RB1: variants seen among roughly 807,000 people sequenced by gnomAD.
RB1 encodes the protein retinoblastoma-associated protein.
Under a neutral mutation model 135.4 loss-of-function variants are expected in RB1, and 18 were observed. The observed-to-expected ratio is 0.13, with a 90% CI of 0.09 to 0.20. The LOEUF is 0.20. RB1 is among the 10% of genes least tolerant of loss of function. The pLI is 1.00. For missense variants in RB1, 868 were observed against 1,110.0 expected (o/e 0.78, Z 3.10); for synonymous variants, 365 against 373.2 (o/e 0.98, Z 0.25).
chr13:48,435,747 T>A (rs946977839), intron 17 of RB1, among the ~76,000 whole-genome samples: 1 of 152,170 alleles, frequency 6.6e-6, no homozygotes, highest in Non-Finnish European at 1.5e-5. Context: ...GGTTGAGGTT[T>A]TTTTAGGGGG....
chr13:48,311,700 T>G (rs1952131955), intron 2 of RB1, among the ~76,000 whole-genome samples: 1 of 152,196 alleles, frequency 6.6e-6, no homozygotes, highest in Admixed American at 6.5e-5. Flanking sequence ...TTTTTATTAA[T>G]GTATTTTTTA....
Position 48,443,394 on chromosome 13 carries a change from A to G in RB1, c.1696-9599A>G, listed in dbSNP as rs551030401. 1.5e-4 allele frequency among the ~76,000 whole-genome samples: 23 copies of G among 152,214 alleles called. No homozygotes were observed. The South Asian group carries it at 4.3e-3, about 29-fold the overall frequency. ...TTAAAAAGAAGTTTAAAAGAGTTTT[A>G]GTTTTAATATCTATAAACTTCAAAT... is the stretch of plus-strand genomic sequence containing the variant. On this transcript the variant is annotated intron_variant, in intron 17 of 26. Transcript: ENST00000267163.
At chr13:48,336,004 T>G (rs906113127) in intron 2 of RB1, among the ~76,000 whole-genome samples, 3 of 151,738 alleles carry the variant, frequency 2.0e-5, no homozygotes, top group African/African-American at 2.4e-5. Flanking sequence ...AGAATGAGGA[T>G]GTGAGGGCAT....
At chr13:48,348,414 C>A (rs1952517019) in intron 5 of RB1, among the ~76,000 whole-genome samples, 1 of 151,692 alleles carries the variant, frequency 6.6e-6, no homozygotes, top group African/African-American at 2.4e-5. Context: ...TAATTGATAT[C>A]AATCTATTAA....
At chr13:48,356,080 C>G (rs1190010312) in intron 6 of RB1, among the ~76,000 whole-genome samples, 2 of 151,978 alleles carry the variant, frequency 1.3e-5, no homozygotes, top group Non-Finnish European at 2.9e-5. Context: ...TTGTTTGTAA[C>G]TCAAAGGATA....
rs201988975 is a variant in RB1 at position 48,412,291 on chromosome 13, C to T, written c.1695+30848C>T. On this transcript the variant is annotated intron_variant, in intron 17 of 26. Coordinates refer to ENST00000267163, the MANE Select transcript of RB1 (RefSeq NM_000321.3). Reference sequence around the variant, plus strand: ...GTAGTTTCATTTCGGACTTTGAGGACGCAGATGAAAATGTATATGGCAACA... The same window carrying T: ...GTAGTTTCATTTCGGACTTTGAGGATGCAGATGAAAATGTATATGGCAACA... 70 of 1,613,618 alleles carry T rather than the reference C, an allele frequency of 4.3e-5. No homozygotes were observed. Among genetic ancestry groups the T allele is most frequent in the African/African-American group, 2.7e-5 (2 of 74,844 alleles).
At chr13:48,437,688 C>A (rs1182629202) in intron 17 of RB1, among the ~76,000 whole-genome samples, 1 of 152,116 alleles carries the variant, frequency 6.6e-6, no homozygotes, top group African/African-American at 2.4e-5. Context: ...CATAGCAGCT[C>A]CCTGCCTCAA....
intron 9 of RB1, 27 bp downstream of exon 9, chr13:48,364,998 T>C: frequency 6.4e-7 from 1 of 1,550,514 alleles, no homozygotes; most frequent in Non-Finnish European, 8.7e-7. Flanking sequence ...TTTAATAAAA[T>C]ATTAATGTTT....
chr13:48,407,927 G>A (rs1037956109), intron 17 of RB1, among the ~76,000 whole-genome samples: 2 of 152,160 alleles, frequency 1.3e-5, no homozygotes, highest in African/African-American at 2.4e-5. Flanking sequence ...GGAAGGTAGT[G>A]ATGCTTCTTC....
At chr13:48,422,865 G>A (rs1296468699) in intron 17 of RB1, 1 of 152,208 alleles carries the variant, frequency 6.6e-6, no homozygotes, top group Non-Finnish European at 1.5e-5. Context: ...TCTTGGCCAG[G>A]ATCTGTGGTT....
rs551747882 is a variant in RB1 at position 48,459,730 on chromosome 13, G to A, written c.2003G>A (p.Arg668His). The A allele has an allele frequency of 6.4e-5, 104 of 1,613,824 alleles. No homozygotes were observed. The highest frequency in any genetic ancestry group is 8.1e-5 in the Non-Finnish European group (95 of 1,179,944). The stretch of plus-strand genomic sequence containing the variant: ...CTCCGGCTAAATACACTTTGTGAAC[G>A]CCTTCTGTCTGAGCACCCAGAATTA... ...AYLRLNTLCE[R>H]LLSEHPELEH... The change falls in exon 20 of 27, where the codon CGC (arginine) becomes CAC (histidine). Residue 668 changes from arginine to histidine, a missense_variant. By Grantham distance (29) the Arg-to-His change is conservative. This residue lies in a region of RB1 where 31 missense variants were observed against 78.9 expected (regional missense o/e 0.39). Transcript: ENST00000267163.
At chr13:48,402,368 T>C (rs970961179) in intron 17 of RB1, among the ~76,000 whole-genome samples, 6 of 90,062 alleles carry the variant, frequency 6.7e-5, no homozygotes, top group South Asian at 4.2e-4. Context: ...AAGAAATCCC[T>C]TGTAGAAAAC....
chr13:48,404,326 C>T (rs982510195), intron 17 of RB1: 3 of 152,002 alleles, frequency 2.0e-5, no homozygotes, highest in Non-Finnish European at 4.4e-5. Flanking sequence ...AAGTATTGTA[C>T]TGGTAGGTTA....
intron 12 of RB1, among the ~76,000 whole-genome samples, 153 bp downstream of exon 12, chr13:48,373,645 A>G (rs1952787285): frequency 1.3e-5 from 2 of 152,084 alleles, no homozygotes; most frequent in African/African-American, 4.8e-5. Flanking sequence ...CTTACAAATT[A>G]TATATTATTA....
intron 17 of RB1, chr13:48,411,576 T>C: frequency 6.2e-7 from 1 of 1,613,654 alleles, no homozygotes; most frequent in Non-Finnish European, 8.5e-7. Context: ...AAAACAACAG[T>C]TGGAAACAGC....
intron 2 of RB1, chr13:48,327,981 A>G (rs1372962920): frequency 8.9e-6 from 5 of 564,466 alleles, no homozygotes; most frequent in Non-Finnish European, 1.6e-5. Context: ...AAAAAGAAAA[A>G]AAAAGTGGCT....
chr13:48,475,048 A>AT (rs886885971), intron 24 of RB1, among the ~76,000 whole-genome samples: 11 of 152,078 alleles, frequency 7.2e-5, no homozygotes, highest in Admixed American at 7.2e-4. Flanking sequence ...TAATTTTTAA[A>AT]TTTTTTGTAG....
At chr13:48,359,307 A>T (rs1189992796) in intron 6 of RB1, among the ~76,000 whole-genome samples, 1 of 151,632 alleles carries the variant, frequency 6.6e-6, no homozygotes, top group East Asian at 1.9e-4. Context: ...TATTTTATAG[A>T]TGACTTTAAA....
At chr13:48,412,463 A>G (rs1367987283) in intron 17 of RB1, 2 of 1,333,684 alleles carry the variant, frequency 1.5e-6, no homozygotes, top group Non-Finnish European at 1.1e-6. Context: ...AAGCACTTTC[A>G]TCAGCTGCAG....
Sources: gnomAD v4.1 joint callset for allele counts (sites outside exome capture counted in the v4.1 genomes callset) on GRCh38, gnomAD v4.1.1 for gene constraint, gnomAD v4.1.1 regional missense constraint, MANE v1.5 for transcripts, NCBI Gene and HGNC (gene_info 2026-07-23, HGNC 2026-07-21) for gene names.